Variants in DLG2 observed in about 807,000 individuals in gnomAD.
DLG2 encodes the protein discs large MAGUK scaffold protein 2, also known as disks large homolog 2.
In DLG2, 45 loss-of-function variants were observed where a neutral mutation model predicts 132.5. That is an observed-to-expected ratio of 0.34 (90% confidence interval 0.27 to 0.44). The LOEUF (loss-of-function observed/expected upper bound fraction) is 0.44. Ranked by LOEUF, DLG2 falls within the 20% of genes least tolerant of loss-of-function variation. The pLI is 1.00. For missense variants in DLG2, 1,045 were observed against 1,196.9 expected (o/e 0.87, Z 1.87); for synonymous variants, 424 against 419.6 (o/e 1.01, Z -0.13).
intron 6 of DLG2, among the ~76,000 whole-genome samples, chr11:84,744,370 C>T (rs7127882): frequency 0.014 from 2,196 of 152,222 alleles, 51 homozygotes; most frequent in African/African-American, 0.049. Context: ...GGCCTTGTGA[C>T]ATCATCTTGA....
At chr11:85,088,028 A>G (rs1178202439) in intron 6 of DLG2, among the ~76,000 whole-genome samples, 7 of 152,126 alleles carry the variant, frequency 4.6e-5, no homozygotes, top group Non-Finnish European at 1.0e-4. Context: ...TGAATAGTGT[A>G]TTGTTGTAAA....
intron 6 of DLG2, among the ~76,000 whole-genome samples, chr11:85,084,968 T>C (rs892502367): frequency 6.6e-6 from 1 of 152,186 alleles, no homozygotes; most frequent in African/African-American, 2.4e-5. Flanking sequence ...TGAAATAACA[T>C]GTTCTCCATA....
intron 6 of DLG2, among the ~76,000 whole-genome samples, chr11:84,570,725 T>C (rs893966842): frequency 6.6e-6 from 1 of 152,212 alleles, no homozygotes; most frequent in African/African-American, 2.4e-5. Flanking sequence ...TACTCTTTTC[T>C]CTAAGGACAT....
At chr11:84,637,112 T>C (rs775913081) in intron 6 of DLG2, among the ~76,000 whole-genome samples, 16 of 152,066 alleles carry the variant, frequency 1.1e-4, no homozygotes, top group Non-Finnish European at 1.6e-4. Context: ...AATGGACAGG[T>C]TAACAGACCA....
intron 19 of DLG2, among the ~76,000 whole-genome samples, chr11:83,584,115 C>G (rs976896558): frequency 6.6e-6 from 1 of 152,130 alleles, no homozygotes; most frequent in Non-Finnish European, 1.5e-5. Context: ...AAACAAAACA[C>G]AAAGCAAACC....
chr11:84,560,517 G>C (rs1376265608), intron 6 of DLG2, among the ~76,000 whole-genome samples: 1 of 152,048 alleles, frequency 6.6e-6, no homozygotes, highest in Non-Finnish European at 1.5e-5. Context: ...ATTCTCAGGG[G>C]ATCTGAATGT....
chr11:84,005,084 A>G (rs892179625), intron 11 of DLG2, among the ~76,000 whole-genome samples: 1 of 151,958 alleles, frequency 6.6e-6, no homozygotes, highest in Non-Finnish European at 1.5e-5. Flanking sequence ...CAAAAAACAA[A>G]GCTGGAGGCA....
intron 19 of DLG2, among the ~76,000 whole-genome samples, chr11:83,553,198 C>A (rs1325179679): frequency 6.6e-6 from 1 of 152,086 alleles, no homozygotes; most frequent in Non-Finnish European, 1.5e-5. Flanking sequence ...TTGAAGTTTC[C>A]CCATCTGTAA....
At chr11:84,428,608 G>A (rs530681591) in intron 7 of DLG2, among the ~76,000 whole-genome samples, 4 of 152,210 alleles carry the variant, frequency 2.6e-5, no homozygotes, top group East Asian at 3.9e-4. Context: ...TGTCTCTTCC[G>A]CTTCTTACAA....
chr11:83,932,391 C>T (rs1430950139), intron 14 of DLG2, among the ~76,000 whole-genome samples: 4 of 149,374 alleles, frequency 2.7e-5, no homozygotes, highest in African/African-American at 5.1e-5. Flanking sequence ...CCTGCCACCA[C>T]GCCCGGCTAA....
At chr11:84,154,042 G>A (rs1013839706) in intron 9 of DLG2, among the ~76,000 whole-genome samples, 1 of 152,154 alleles carries the variant, frequency 6.6e-6, no homozygotes, top group African/African-American at 2.4e-5. Context: ...CTGTCACCCA[G>A]GCTGGAGTGC....
chr11:85,040,465 T>C (rs1373537499), intron 6 of DLG2, among the ~76,000 whole-genome samples: 2 of 151,952 alleles, frequency 1.3e-5, no homozygotes, highest in African/African-American at 2.4e-5. Flanking sequence ...ACAAAATGAA[T>C]GATCTTGCCA....
chr11:84,190,083 G>C (rs2096375251), intron 8 of DLG2, among the ~76,000 whole-genome samples: 1 of 151,682 alleles, frequency 6.6e-6, no homozygotes, highest in Non-Finnish European at 1.5e-5. Flanking sequence ...GGAGTCCATA[G>C]AAGACACATA....
chr11:84,934,514 TGTTTTGTTTTG>T lies in DLG2; in HGVS notation c.357+177136_357+177146del, dbSNP rs1170718664. Among the ~76,000 whole-genome samples the T allele has an allele frequency of 2.7e-3, 228 of 85,368 alleles. 6 individuals are homozygous for T. Among genetic ancestry groups the T allele is most frequent in the South Asian group, 3.7e-3 (9 of 2,420 alleles). 56.0% of individuals were successfully genotyped at this position (85,368 alleles called of 152,430 possible). A position where few individuals can be genotyped will look rare whatever the true frequency, so the allele number is the denominator to read the frequency against. On this transcript the variant is annotated intron_variant, in intron 6 of 27. Transcript: ENST00000376104. ...TGTATGGTCCTGGGTGTTTTTTTTT[TGTTTTGTTTTG>T]TTTTTTTTTTTTTTTTTTTTTGGTG...
chr11:84,393,709 A>T (rs2098801014), intron 7 of DLG2, among the ~76,000 whole-genome samples: 1 of 152,068 alleles, frequency 6.6e-6, no homozygotes, highest in Admixed American at 6.6e-5. Flanking sequence ...TCTTTCTTTT[A>T]GATGACTTTT....
At chr11:85,322,059 TACTCC>T (rs1165164619) in intron 3 of DLG2, among the ~76,000 whole-genome samples, 1 of 152,096 alleles carries the variant, frequency 6.6e-6, no homozygotes, top group African/African-American at 2.4e-5. Context: ...TATTCTCCTC[TACTCC>T]ACTTTTATAC....
At chr11:84,961,148 A>C (rs1361093262) in intron 6 of DLG2, among the ~76,000 whole-genome samples, 1 of 151,032 alleles carries the variant, frequency 6.6e-6, no homozygotes, top group Non-Finnish European at 1.5e-5. Context: ...TTTATATAGG[A>C]CTTCAGTGGT....
At chr11:84,519,229 A>T (rs936829604) in intron 7 of DLG2, among the ~76,000 whole-genome samples, 26 of 152,292 alleles carry the variant, frequency 1.7e-4, no homozygotes, top group Admixed American at 1.5e-3. Context: ...TACCCAGTGC[A>T]CATTTTATGA....
At chr11:84,130,135 C>A (rs2154215731) in intron 9 of DLG2, among the ~76,000 whole-genome samples, 1 of 151,986 alleles carries the variant, frequency 6.6e-6, no homozygotes, top group East Asian at 1.9e-4. Flanking sequence ...ACAACAGGCC[C>A]AGATAGGCCT....
Sources: gnomAD v4.1 joint callset for allele counts (sites outside exome capture counted in the v4.1 genomes callset) on GRCh38, gnomAD v4.1.1 for gene constraint, MANE v1.5 for transcripts, NCBI Gene and HGNC (gene_info 2026-07-23, HGNC 2026-07-21) for gene names.